The following FGF14 variants were observed in gnomAD, a reference collection of about 807,000 sequenced individuals.
FGF14 encodes the protein fibroblast growth factor homologous factor 4.
FGF14 carries 5 observed loss-of-function variants against 25.5 expected under a neutral mutation model. That is an observed-to-expected ratio of 0.20 (90% CI 0.10 to 0.41). The LOEUF (loss-of-function observed/expected upper bound fraction) is 0.41. Ranked by LOEUF, FGF14 falls within the 10% of genes least tolerant of loss-of-function variation. The pLI, the probability that FGF14 is intolerant of heterozygous loss-of-function variation, is 1.00. For synonymous variants in FGF14, 138 were observed against 118.3 expected (o/e 1.17, Z -1.08); for missense variants, 222 against 320.1 (o/e 0.69, Z 2.34).
chr13:102,204,797 G>A (rs970951366), intron 1 of FGF14, among the ~76,000 whole-genome samples: 4 of 151,918 alleles, frequency 2.6e-5, no homozygotes, highest in South Asian at 2.1e-4. Context: ...CTCCCACCTC[G>A]GCCTCCCAAA....
At chr13:102,190,735 C>T (rs1275192379) in intron 1 of FGF14, among the ~76,000 whole-genome samples, 2 of 152,110 alleles carry the variant, frequency 1.3e-5, no homozygotes, top group African/African-American at 4.8e-5. Context: ...CAGTGAAAGG[C>T]TTCCAAATAT....
intron 1 of FGF14, among the ~76,000 whole-genome samples, chr13:102,133,757 T>C (rs1430567237): frequency 6.6e-6 from 1 of 152,214 alleles, no homozygotes; most frequent in East Asian, 1.9e-4. Flanking sequence ...TTATTTGTCA[T>C]ACAACAGAGT....
chr13:101,994,959 T>C (rs924304870), intron 1 of FGF14, among the ~76,000 whole-genome samples: 1 of 152,118 alleles, frequency 6.6e-6, no homozygotes, highest in Non-Finnish European at 1.5e-5. Flanking sequence ...GGCTAATAAT[T>C]ATGCAATACA....
chr13:102,034,033 T>C (rs1314316306), intron 1 of FGF14, among the ~76,000 whole-genome samples: 1 of 152,122 alleles, frequency 6.6e-6, no homozygotes, highest in East Asian at 1.9e-4. Flanking sequence ...GTGTTTGCCA[T>C]GATTTCAACA....
chr13:102,220,888 T>A (rs1394080868), intron 1 of FGF14, among the ~76,000 whole-genome samples: 1 of 152,200 alleles, frequency 6.6e-6, no homozygotes, highest in East Asian at 1.9e-4. Flanking sequence ...TTTAGCGGTA[T>A]AATCTTGGAC....
intron 1 of FGF14, among the ~76,000 whole-genome samples, chr13:102,157,246 G>C (rs985878788): frequency 2.6e-5 from 4 of 152,134 alleles, no homozygotes; most frequent in African/African-American, 9.7e-5. Flanking sequence ...CATGCTACCT[G>C]ACTTCAAACT....
intron 1 of FGF14, among the ~76,000 whole-genome samples, chr13:101,910,837 CGTGTGTGTGTGTGT>C (rs59758881): frequency 0.063 from 8,115 of 129,290 alleles, 271 homozygotes; most frequent in East Asian, 0.19. Flanking sequence ...GATTTGGATT[CGTGTGTGTGTGTGT>C]GTGTGTGTGT....
At chr13:102,188,906 A>G (rs1336604411) in intron 1 of FGF14, among the ~76,000 whole-genome samples, 1 of 151,054 alleles carries the variant, frequency 6.6e-6, no homozygotes, top group African/African-American at 2.4e-5. Flanking sequence ...GCACCACTGC[A>G]CTCCAGCCTG....
At chr13:102,370,765 C>A (rs2057856585) in intron 1 of FGF14, among the ~76,000 whole-genome samples, 1 of 151,926 alleles carries the variant, frequency 6.6e-6, no homozygotes, top group Non-Finnish European at 1.5e-5. Context: ...ACAAATGCAC[C>A]CATCTTAAAC....
chr13:102,186,393 A>G (rs2048876388), intron 1 of FGF14, among the ~76,000 whole-genome samples: 1 of 152,174 alleles, frequency 6.6e-6, no homozygotes, highest in African/African-American at 2.4e-5. Flanking sequence ...TTTTTACAAC[A>G]ATATTAATAT....
At chr13:101,878,816 G>A (rs1207543558) in intron 1 of FGF14, among the ~76,000 whole-genome samples, 3 of 151,958 alleles carry the variant, frequency 2.0e-5, no homozygotes, top group Admixed American at 2.0e-4. Flanking sequence ...TATTACATGT[G>A]TAAGACAAAC....
chr13:101,975,770 G>T (rs2037885026), intron 1 of FGF14, among the ~76,000 whole-genome samples: 1 of 152,204 alleles, frequency 6.6e-6, no homozygotes, highest in African/African-American at 2.4e-5. Flanking sequence ...GAAAAAGCTG[G>T]TGTTAAAACC....
chr13:102,058,291 G>C (rs779311700), intron 1 of FGF14, among the ~76,000 whole-genome samples: 1 of 152,172 alleles, frequency 6.6e-6, no homozygotes, highest in Non-Finnish European at 1.5e-5. Flanking sequence ...GACATATACA[G>C]AAAGTGAATA....
At chr13:102,389,624 A>G (rs952591184) in intron 1 of FGF14, among the ~76,000 whole-genome samples, 1 of 152,210 alleles carries the variant, frequency 6.6e-6, no homozygotes, top group Non-Finnish European at 1.5e-5. Context: ...TTTCCTGACC[A>G]GGATAATAAA....
intron 3 of FGF14, among the ~76,000 whole-genome samples, chr13:101,748,551 A>T (rs192896345): frequency 1.3e-5 from 2 of 151,742 alleles, no homozygotes; most frequent in Non-Finnish European, 2.9e-5. Flanking sequence ...AAAAGCCCAT[A>T]CTTTACCACT....
chr13:102,305,544 T>C (rs1401753633), intron 1 of FGF14, among the ~76,000 whole-genome samples: 1 of 152,178 alleles, frequency 6.6e-6, no homozygotes, highest in Non-Finnish European at 1.5e-5. Flanking sequence ...GGATGAAAGT[T>C]TGGTGTTAAT....
chr13:102,000,942 G>A (rs1243237465), intron 1 of FGF14, among the ~76,000 whole-genome samples: 1 of 152,122 alleles, frequency 6.6e-6, no homozygotes, highest in South Asian at 2.1e-4. Context: ...AAAAGCCTGG[G>A]GAACAAAAGC....
intron 1 of FGF14, among the ~76,000 whole-genome samples, chr13:102,161,674 A>AT (rs1555369563): frequency 0.11 from 9,776 of 88,028 alleles, 915 homozygotes; most frequent in East Asian, 0.26. Flanking sequence ...GAAGAAGAAG[A>AT]AGAAGAAGAA....
At chr13:102,136,636 C>T (rs1001640116) in intron 1 of FGF14, among the ~76,000 whole-genome samples, 1 of 150,308 alleles carries the variant, frequency 6.7e-6, no homozygotes, top group Non-Finnish European at 1.5e-5. Context: ...TGTAAAGCAG[C>T]CCACAGATTA....
Sources: allele counts gnomAD v4.1 joint callset (sites outside exome capture counted in the v4.1 genomes callset), GRCh38; gene constraint gnomAD v4.1.1; transcripts MANE v1.5; gene names NCBI Gene and HGNC (gene_info 2026-07-23, HGNC 2026-07-21).